PKIA: variants seen among roughly 807,000 people sequenced by gnomAD.
PKIA encodes the protein cAMP-dependent protein kinase inhibitor alpha.
In PKIA, 4 loss-of-function variants were observed where a neutral mutation model predicts 7.6. The observed-to-expected ratio is 0.52, with a 90% confidence interval of 0.26 to 1.20. The LOEUF is 1.20. Ranked by LOEUF, PKIA falls within the 50% of genes most tolerant of loss-of-function variation. The pLI, the probability that PKIA is intolerant of heterozygous loss-of-function variation, is 0.13. For synonymous variants in PKIA, 21 were observed against 30.7 expected (o/e 0.68, Z 1.04); for missense variants, 73 against 86.2 (o/e 0.85, Z 0.61).
intron 2 of PKIA, among the ~76,000 whole-genome samples, chr8:78,583,957 G>A (rs1028082527): frequency 3.3e-5 from 5 of 152,120 alleles, no homozygotes; most frequent in East Asian, 1.9e-4. Context: ...TGCCACAGGC[G>A]AGGGAGTATA....
At chr8:78,593,531 A>G (rs1293785540) in intron 2 of PKIA, among the ~76,000 whole-genome samples, 1 of 152,326 alleles carries the variant, frequency 6.6e-6, no homozygotes, top group East Asian at 1.9e-4. Context: ...TATAAGATGT[A>G]TTTGCTAGAT....
At chr8:78,521,842 T>C (rs1271748274) in intron 1 of PKIA, among the ~76,000 whole-genome samples, 1 of 151,944 alleles carries the variant, frequency 6.6e-6, no homozygotes. Context: ...ACAGAAACTC[T>C]ATACACATTA....
chr8:78,598,797 GT>G (rs1037500340), intron 3 of PKIA, among the ~76,000 whole-genome samples: 13 of 151,874 alleles, frequency 8.6e-5, no homozygotes, highest in Non-Finnish European at 1.9e-4. Flanking sequence ...CACATGGTGT[GT>G]TTTTTTAAAT....
At chr8:78,567,180 CTT>C (rs1183490922) in intron 1 of PKIA, among the ~76,000 whole-genome samples, 1 of 152,004 alleles carries the variant, frequency 6.6e-6, no homozygotes, top group African/African-American at 2.4e-5. Context: ...TTATTAACAA[CTT>C]ATATTAGTAT....
rs749687803 is a variant in PKIA at position 78,572,901 on chromosome 8, T to C, written c.-66T>C. ...CATCTCCAAGAAAAAAGAGATCTAG[T>C]ATAGTCAATGAATTAAAGACAAGAA... On this transcript the variant is annotated 5_prime_UTR_variant, in exon 2 of 4. Transcript: ENST00000396418. The C allele has an allele frequency of 1.2e-4, 18 of 152,052 alleles. No homozygotes were observed. The highest frequency in any genetic ancestry group is 1.9e-4 in the Non-Finnish European group (13 of 67,994). 9.4% of individuals were successfully genotyped at this position (152,052 alleles called of 1,614,324 possible). A position where few individuals can be genotyped will look rare whatever the true frequency, so the allele number is the denominator to read the frequency against.
At chr8:78,585,171 AG>A (rs1361425560) in intron 2 of PKIA, among the ~76,000 whole-genome samples, 1 of 152,006 alleles carries the variant, frequency 6.6e-6, no homozygotes, top group African/African-American at 2.4e-5. Flanking sequence ...ATTTTAAAAT[AG>A]TTCAGTGGAT....
chr8:78,537,632 C>T (rs1444042319), intron 1 of PKIA, among the ~76,000 whole-genome samples: 2 of 134,522 alleles, frequency 1.5e-5, no homozygotes, highest in Non-Finnish European at 3.1e-5. Flanking sequence ...TCCATGAGAT[C>T]AGGGTCTTGG....
At chr8:78,569,678 A>G (rs1807501508) in intron 1 of PKIA, among the ~76,000 whole-genome samples, 1 of 152,234 alleles carries the variant, frequency 6.6e-6, no homozygotes. Context: ...TAAAACTGAG[A>G]TAAATCAGTT....
chr8:78,559,388 G>T (rs1269151642), intron 1 of PKIA, among the ~76,000 whole-genome samples: 2 of 152,188 alleles, frequency 1.3e-5, no homozygotes, highest in Non-Finnish European at 2.9e-5. Context: ...GTGGTGGGAA[G>T]ACTGAGAAGC....
At chr8:78,581,290 A>G (rs1807801246) in intron 2 of PKIA, among the ~76,000 whole-genome samples, 1 of 152,244 alleles carries the variant, frequency 6.6e-6, no homozygotes. Flanking sequence ...ATAATAATAG[A>G]AACTCGTTGT....
At chr8:78,598,600 A>T in intron 3 of PKIA, 65 bp downstream of exon 3, 1 of 1,300,102 alleles carries the variant, frequency 7.7e-7, no homozygotes, top group Non-Finnish European at 1.1e-6. Flanking sequence ...ACTAAGAGGG[A>T]TTAAGGCACG....
At chr8:78,592,083 A>C (rs1472584116) in intron 2 of PKIA, among the ~76,000 whole-genome samples, 1 of 152,108 alleles carries the variant, frequency 6.6e-6, no homozygotes, top group Non-Finnish European at 1.5e-5. Flanking sequence ...TCTCAGAGTC[A>C]TATTACTAAA....
At chr8:78,587,800 A>G (rs1328923500) in intron 2 of PKIA, among the ~76,000 whole-genome samples, 3 of 152,234 alleles carry the variant, frequency 2.0e-5, no homozygotes, top group Non-Finnish European at 4.4e-5. Flanking sequence ...GCTAGAGATC[A>G]TAACTGTGTT....
In PKIA at chr8:78,604,132, GA is replaced by G. The variant is rs1300166634; in HGVS notation, c.*2313del. ...ATTTGCCAAGAATACATATGGATTT[GA>G]ATTTTTAAGGAGAGAAGGAAAGGGT... On this transcript the variant is annotated 3_prime_UTR_variant, in exon 4 of 4. Coordinates refer to ENST00000396418, the MANE Select transcript of PKIA (RefSeq NM_006823.4). 1 of 151,864 alleles carries G rather than the reference GA, an allele frequency of 6.6e-6. No homozygotes were observed. Among genetic ancestry groups the G allele is most frequent in the Non-Finnish European group, 1.5e-5 (1 of 67,920 alleles). The allele number at this position is 151,864 out of a possible 1,614,324, so 9.4% of individuals were successfully genotyped here.
rs557924256 is a variant in PKIA at position 78,605,218 on chromosome 8, G to T, written c.*3397G>T. ...TATGACTTTTGTATTTAGCAATGTT[G>T]CATGCTCACATAATTGAAAATTAAA... On this transcript the variant is annotated 3_prime_UTR_variant, in exon 4 of 4. Transcript: ENST00000396418. The T allele has an allele frequency of 1.3e-5, 2 of 152,056 alleles. No individual in the cohort carries two copies. Among genetic ancestry groups the T allele is most frequent in the East Asian group, 1.9e-4 (1 of 5,166 alleles). The allele number at this position is 152,056 out of a possible 1,614,324, so 9.4% of individuals were successfully genotyped here.
intron 2 of PKIA, among the ~76,000 whole-genome samples, chr8:78,593,775 T>A (rs1029428805): frequency 2.0e-5 from 3 of 152,200 alleles, no homozygotes; most frequent in Non-Finnish European, 2.9e-5. Context: ...TCATTAACTA[T>A]GCGATTATGG....
intron 1 of PKIA, among the ~76,000 whole-genome samples, chr8:78,566,216 T>C (rs1807409205): frequency 6.6e-6 from 1 of 152,054 alleles, no homozygotes; most frequent in South Asian, 2.1e-4. Context: ...TTTACATATT[T>C]GGTACCAACA....
rs796676305 is a variant in PKIA at position 78,572,543 on chromosome 8, A to G, written c.-156-268A>G. 5.7e-5 allele frequency among the ~76,000 whole-genome samples: 8 copies of G among 141,414 alleles called. No individual in the cohort carries two copies. The South Asian group carries it at 6.6e-4, about 12-fold the overall frequency. 92.8% of individuals were successfully genotyped at this position (141,414 alleles called of 152,430 possible). A position where few individuals can be genotyped will look rare whatever the true frequency, so the allele number is the denominator to read the frequency against. On this transcript the variant is annotated intron_variant, in intron 1 of 3. Coordinates refer to ENST00000396418, the MANE Select transcript of PKIA (RefSeq NM_006823.4). Reference sequence around the variant, plus strand: ...CCCCATCACAAAAAAAGCTGCACGCACACACACACACACACACACACACAC... The same window carrying G: ...CCCCATCACAAAAAAAGCTGCACGCGCACACACACACACACACACACACAC...
intron 1 of PKIA, among the ~76,000 whole-genome samples, chr8:78,518,139 G>T (rs1809350187): frequency 6.6e-6 from 1 of 152,166 alleles, no homozygotes. Context: ...ACTTTAGAAA[G>T]ATTTGAATTT....
Sources: allele counts gnomAD v4.1 joint callset (sites outside exome capture counted in the v4.1 genomes callset), GRCh38; gene constraint gnomAD v4.1.1; transcripts MANE v1.5; gene names NCBI Gene and HGNC (gene_info 2026-07-23, HGNC 2026-07-21).